RETREG2: variants seen among roughly 807,000 people sequenced by gnomAD.
The protein encoded by RETREG2 is reticulophagy regulator family member 2, also known as reticulophagy regulator 2.
In RETREG2, 21 loss-of-function variants were observed where a neutral mutation model predicts 51.6. The ratio of observed to expected loss-of-function variants is 0.41; its 90% CI spans 0.29 to 0.59. The LOEUF is 0.59. Among genes scored for constraint, RETREG2 ranks in the 20% least tolerant of loss-of-function variants. The pLI is 0.34. For missense variants in RETREG2, 674 were observed against 646.0 expected, an observed-to-expected ratio of 1.04 and a Z score of -0.47; for synonymous variants, 339 against 288.6, an observed-to-expected ratio of 1.17 and a Z score of -1.77.
Position 219,181,728 on chromosome 2 carries a change from T to G in RETREG2, c.968T>G (p.Phe323Cys). ...GCTTCTATCTTGGAGAGTGGTGGCT[T>G]CTCCGTATCCCGGGCCACAACTCCG... ...EEASILESGG[F>C]SVSRATTPQL... Residue 323 changes from phenylalanine to cysteine, a missense_variant, in exon 8 of 9, where the codon TTC becomes TGC. Phe to Cys is a radical substitution (Grantham distance 205). Transcript: ENST00000430297. 6.2e-7 allele frequency: 1 copy of G among 1,613,946 alleles called. No homozygotes were observed. The highest frequency in any genetic ancestry group is 1.1e-5 in the South Asian group (1 of 91,080).
rs138444667 is a variant in RETREG2 at position 219,183,574 on chromosome 2, C to T, written c.*945C>T. 5.5e-3 allele frequency: 844 copies of T among 152,426 alleles called. 5 individuals are homozygous for T. The highest frequency in any genetic ancestry group is 9.5e-3 in the Non-Finnish European group (649 of 68,062). 9.4% of individuals were successfully genotyped at this position (152,426 alleles called of 1,614,324 possible). ...TCCTCACCCTTAACCTGCTTCACTC[C>T]AGTCTGTTCTGGCTGTTTATTACCT... On this transcript the variant is annotated 3_prime_UTR_variant, in exon 9 of 9. Coordinates refer to ENST00000430297, the MANE Select transcript of RETREG2 (RefSeq NM_024293.6).
At position 219,180,664 on chromosome 2, in the gene RETREG2, C is replaced by T. The variant is rs770204023; in HGVS notation, c.556-6C>T. The T allele has an allele frequency of 6.2e-7, 1 of 1,614,168 alleles. No individual in the cohort carries two copies. Among genetic ancestry groups the T allele is most frequent in the Non-Finnish European group, 8.5e-7 (1 of 1,179,986 alleles). On this transcript the variant is annotated splice_region_variant and splice_polypyrimidine_tract_variant and intron_variant, in intron 4 of 8. Transcript: ENST00000430297. ...GATGTTCTTAGACTTTTGCTCTTCT[C>T]TGCAGTTCTGCGTTCGAGTCTGCTC...
chr2:219,182,113 A>G lies in RETREG2; in HGVS notation c.1116A>G (p.Leu372=), dbSNP rs1240220506. ...EGELAPPEDL[L]GRPQALSRQA... ...AGCTGGCCCCTCCCGAAGACCTACT[A>G]GGCCGTCCTCAAGCTCTGTCAAGGC... Residue 372 remains leucine, a synonymous_variant, in exon 9 of 9, where the codon CTA becomes CTG. Transcript: ENST00000430297. 1 of 1,613,990 alleles carries G rather than the reference A, an allele frequency of 6.2e-7. No homozygotes were observed. Among genetic ancestry groups the G allele is most frequent in the African/African-American group, 1.3e-5 (1 of 74,896 alleles).
Position 219,179,766 on chromosome 2 carries a change from G to A in RETREG2, c.419+3G>A. On this transcript the variant is annotated splice_donor_region_variant and intron_variant, in intron 3 of 8. Transcript: ENST00000430297. ...CCAGAGGAGCCACACTCTGACAGGT[G>A]AGTACAGGCCACCTCTTGAAGACAA... 6.2e-7 allele frequency: 1 copy of A among 1,613,992 alleles called. No individual in the cohort carries two copies.
intron 2 of RETREG2, 116 bp from the exon 3 acceptor site, chr2:219,179,617 T>C (rs908322732): frequency 6.8e-5 from 62 of 911,610 alleles, no homozygotes; most frequent in Non-Finnish European, 1.1e-4. Context: ...AGCTCCCCCA[T>C]TGGCATCTGA....
Position 219,181,296 on chromosome 2 carries a change from G to A in RETREG2, c.785-73G>A, listed in dbSNP as rs1030318508. Reference sequence around the variant, plus strand: ...TGCCCTGGAATTGAGATCTTCTCCAGTTCTTTAGCTGTGTTTGTCTCCCCT... The same window carrying A: ...TGCCCTGGAATTGAGATCTTCTCCAATTCTTTAGCTGTGTTTGTCTCCCCT... On this transcript the variant is annotated intron_variant, in intron 6 of 8. Coordinates refer to ENST00000430297, the MANE Select transcript of RETREG2 (RefSeq NM_024293.6). The A allele has an allele frequency of 2.5e-6, 4 of 1,607,008 alleles. No individual in the cohort carries two copies. The African/African-American group carries it at 5.4e-5, about 21-fold the overall frequency.
At chr2:219,178,871 G>T (rs1950231104) in intron 1 of RETREG2, 51 bp from the exon 2 acceptor site, 2 of 1,348,492 alleles carry the variant, frequency 1.5e-6, no homozygotes, top group Admixed American at 1.8e-5. Flanking sequence ...TGAGATGGAT[G>T]CATGAGCCTG....
rs797010874 is a variant in RETREG2, at chr2:219,184,305, C to T, written c.*1676C>T. 2.0e-5 allele frequency: 3 copies of T among 152,278 alleles called. No individual in the cohort carries two copies. The highest frequency in any genetic ancestry group is 7.2e-5 in the African/African-American group (3 of 41,532). The allele number at this position is 152,278 out of a possible 1,614,324, so 9.4% of individuals were successfully genotyped here. Reference sequence around the variant, plus strand: ...AAAAGCCCAGAACTGAGCAGATGGCCTCCTTTATGAGTTCATGTCCTCCGC... The same window carrying T: ...AAAAGCCCAGAACTGAGCAGATGGCTTCCTTTATGAGTTCATGTCCTCCGC... On this transcript the variant is annotated 3_prime_UTR_variant, in exon 9 of 9. Transcript: ENST00000430297.
chr2:219,182,176 A>G lies in RETREG2; in HGVS notation c.1179A>G (p.Ala393=), dbSNP rs200114784. ...CGGAGGAAGAGGAAGAGGATGTGGC[A>G]GCTAAGGAAACCTTGTTGCGGCTCT... ...LDSEEEEEDV[A]AKETLLRLSS... The change falls in exon 9 of 9, where the codon GCA becomes GCG. Residue 393 remains alanine (A), a synonymous_variant. Transcript: ENST00000430297. 12 of 1,613,564 alleles carry G rather than the reference A, an allele frequency of 7.4e-6. No individual in the cohort carries two copies. Among genetic ancestry groups the G allele is most frequent in the Non-Finnish European group, 1.0e-5 (12 of 1,180,032 alleles).
chr2:219,181,557 G>A, intron 7 of RETREG2, 83 bp from the exon 8 acceptor site: 1 of 1,598,536 alleles, frequency 6.3e-7, no homozygotes, highest in Non-Finnish European at 8.6e-7. Flanking sequence ...GTGGAAGCCA[G>A]AGGTTTTGGG....
intron 5 of RETREG2, 85 bp from the exon 6 acceptor site, chr2:219,180,977 C>T (rs1410839906): frequency 8.9e-6 from 14 of 1,569,344 alleles, no homozygotes; most frequent in East Asian, 2.2e-5. Flanking sequence ...TGCCTACCTT[C>T]AGCACTTCAG....
intron 2 of RETREG2, 132 bp from the exon 3 acceptor site, chr2:219,179,601 T>C (rs1950246668): frequency 2.5e-6 from 2 of 807,508 alleles, no homozygotes; most frequent in Admixed American, 1.9e-5. Context: ...AACAAAAACA[T>C]GTAACAGCTC....
chr2:219,182,479 G>C lies in RETREG2; in HGVS notation c.1482G>C (p.Leu494Phe). Residue 494 changes from leucine to phenylalanine, a missense_variant, in exon 9 of 9, where the codon TTG (leucine) becomes TTC (phenylalanine). Leu to Phe is a conservative substitution (Grantham distance 22). Coordinates refer to ENST00000430297, the MANE Select transcript of RETREG2 (RefSeq NM_024293.6). ...EEALTTEDFE[L>F]LDQGELEQLN... ...CACTCACCACTGAGGACTTTGAGTT[G>C]CTGGATCAGGGGGAGCTGGAGCAGC... The C allele has an allele frequency of 3.7e-6, 6 of 1,613,914 alleles. No homozygotes were observed. Among genetic ancestry groups the C allele is most frequent in the Non-Finnish European group, 5.1e-6 (6 of 1,179,960 alleles).
Position 219,180,212 on chromosome 2 carries a change from G to A in RETREG2, c.522G>A (p.Glu174=). The A allele has an allele frequency of 6.2e-7, 1 of 1,614,180 alleles. No individual in the cohort carries two copies. Among genetic ancestry groups the A allele is most frequent in the Non-Finnish European group, 8.5e-7 (1 of 1,180,040 alleles). Residue 174 remains glutamate, a synonymous_variant, in exon 4 of 9, where the codon GAG becomes GAA. Transcript: ENST00000430297. ...SWLTFQIHLQ[E]LLQYKRQNPA... The stretch of plus-strand genomic sequence containing the variant: ...TCACCTTCCAGATTCACCTGCAGGA[G>A]CTGCTGCAGTACAAGAGGCAGAATC...
Position 219,180,705 on chromosome 2 carries a change from G to A in RETREG2, c.591G>A (p.Leu197=). Residue 197 remains leucine, a synonymous_variant, in exon 5 of 9, where the codon TTG becomes TTA. Transcript: ENST00000430297. ...GAGTCTGCTCTGGCTGTGCTGTGTT[G>A]GCTGTGTTGGGACACTATGTTCCAG... The part of the protein sequence containing the change: ...CVRVCSGCAV[L]AVLGHYVPGI... The A allele has an allele frequency of 6.2e-7, 1 of 1,613,910 alleles. No individual in the cohort carries two copies. Among genetic ancestry groups the A allele is most frequent in the Non-Finnish European group, 8.5e-7 (1 of 1,179,812 alleles).
rs776917630 is a variant in RETREG2, at chr2:219,181,765, T to C, written c.1005T>C (p.Asp335=). The C allele has an allele frequency of 6.2e-7, 1 of 1,613,870 alleles. No homozygotes were observed. Among genetic ancestry groups the C allele is most frequent in the Admixed American group, 1.7e-5 (1 of 60,012 alleles). Residue 335 remains aspartate, a synonymous_variant, in exon 8 of 9, where the codon GAT becomes GAC. Coordinates refer to ENST00000430297, the MANE Select transcript of RETREG2 (RefSeq NM_024293.6). ...GGGCCACAACTCCGCAGCTGACTGATGTCTCCGAGGGTATGGGGAGCCCTT... is the reference window on the plus strand; with the variant it reads ...GGGCCACAACTCCGCAGCTGACTGACGTCTCCGAGGGTATGGGGAGCCCTT... The part of the protein sequence containing the change: ...VSRATTPQLT[D]VSEDLDQQSL...
intron 5 of RETREG2, 124 bp downstream of exon 5, chr2:219,180,878 TTTAG>T: frequency 7.4e-7 from 1 of 1,345,690 alleles, no homozygotes; most frequent in East Asian, 2.3e-5. Flanking sequence ...CCAGGGATGC[TTTAG>T]TATTAGTAAC....
chr2:219,179,019 G>A lies in RETREG2; in HGVS notation c.379G>A (p.Asp127Asn). ...TCTCTGGCAGCCTCGCTTTCTCCCT[G>A]ACGTTTCAGGTGAGTGTTTCTTCAT... ...LDLWQPRFLP[D>N]VSASSPEEPH... Residue 127 changes from aspartate to asparagine, a missense_variant, in exon 2 of 9, where the codon GAC (aspartate) becomes AAC (asparagine). Coordinates refer to ENST00000430297, the MANE Select transcript of RETREG2 (RefSeq NM_024293.6). 1 of 1,609,074 alleles carries A rather than the reference G, an allele frequency of 6.2e-7. No individual in the cohort carries two copies. Among genetic ancestry groups the A allele is most frequent in the East Asian group, 2.2e-5 (1 of 44,862 alleles).
rs1330112903 is a variant in RETREG2 at position 219,181,654 on chromosome 2, A to G, written c.894A>G (p.Lys298=). The G allele has an allele frequency of 6.2e-7, 1 of 1,613,900 alleles. No homozygotes were observed. Among genetic ancestry groups the G allele is most frequent in the Non-Finnish European group, 8.5e-7 (1 of 1,179,924 alleles). The change falls in exon 8 of 9, where the codon AAA becomes AAG. Residue 298 remains lysine, a synonymous_variant. Coordinates refer to ENST00000430297, the MANE Select transcript of RETREG2 (RefSeq NM_024293.6). The part of the protein sequence containing the change: ...AGFSPVVDVK[K]TALALAITDS... ...TCTCCTGCCAGGTGGATGTGAAGAA[A>G]ACAGCATTGGCCTTGGCCATTACAG... is the stretch of plus-strand genomic sequence containing the variant.
Sources: gnomAD v4.1 joint callset for allele counts on GRCh38, gnomAD v4.1.1 for gene constraint, MANE v1.5 for transcripts, NCBI Gene and HGNC (gene_info 2026-07-23, HGNC 2026-07-21) for gene names.